FGF13: variants seen among roughly 807,000 people sequenced by gnomAD.
FGF13 encodes the protein fibroblast growth factor 13.
In FGF13, 2 loss-of-function variants were observed where a neutral mutation model predicts 19.5. The observed-to-expected ratio is 0.10, with a 90% CI of 0.04 to 0.32. The LOEUF is 0.32. FGF13 is among the 10% of genes least tolerant of loss of function. FGF13 has a pLI of 1.00. For synonymous variants in FGF13, 72 were observed against 76.9 expected (o/e 0.94, Z 0.33); for missense variants, 113 against 192.7 (o/e 0.59, Z 2.45).
At chrX:138,809,531 G>A (rs1466380558) in intron 3 of FGF13, among the ~76,000 whole-genome samples, 3 of 111,570 alleles carry the variant, frequency 2.7e-5, no homozygotes. Context: ...TTTGAAAACT[G>A]GCACAAGGCA....
intron 1 of FGF13, among the ~76,000 whole-genome samples, chrX:139,037,181 G>T (rs114277209): frequency 4.5e-5 from 5 of 111,020 alleles, no homozygotes; most frequent in Admixed American, 9.6e-5. Flanking sequence ...GAGGGAAAAG[G>T]ACACTGCATT....
chrX:138,844,145 A>C (rs2091166914), intron 3 of FGF13, among the ~76,000 whole-genome samples: 1 of 112,403 alleles, frequency 8.9e-6, no homozygotes, highest in Non-Finnish European at 1.9e-5. Flanking sequence ...TTGGAAACAC[A>C]TGTAATGTCA....
chrX:139,115,284 C>T (rs1199139564), intron 1 of FGF13, among the ~76,000 whole-genome samples: 3 of 112,265 alleles, frequency 2.7e-5, no homozygotes, highest in African/African-American at 9.7e-5. Context: ...TTCTTTCTTA[C>T]TAACAAAGCT....
At chrX:139,007,898 G>A (rs1192629073) in intron 1 of FGF13, among the ~76,000 whole-genome samples, 1 of 112,456 alleles carries the variant, frequency 8.9e-6, no homozygotes, top group African/African-American at 3.2e-5. Flanking sequence ...TGTGATCTGG[G>A]GTAAGTTCTC....
intron 1 of FGF13, among the ~76,000 whole-genome samples, chrX:139,162,857 A>G (rs2084047186): frequency 8.9e-6 from 1 of 112,469 alleles, no homozygotes; most frequent in South Asian, 3.7e-4. Flanking sequence ...ATCTCATGCC[A>G]GTTAGAATGG....
chrX:138,720,989 C>T (rs756515079), intron 1 of FGF13, among the ~76,000 whole-genome samples: 2 of 112,026 alleles, frequency 1.8e-5, no homozygotes, highest in South Asian at 7.5e-4. Flanking sequence ...AAGAGATCGT[C>T]TTCTTTTTCC....
chrX:138,673,904 T>C (rs1263669113), intron 3 of FGF13, among the ~76,000 whole-genome samples: 1 of 110,513 alleles, frequency 9.0e-6, no homozygotes, highest in Non-Finnish European at 1.9e-5. Flanking sequence ...TAGAAGTGGG[T>C]GAGTAGATAT....
In FGF13 at chrX:139,131,440, C is replaced by G. The variant is rs1478911092; in HGVS notation, c.-113+71976G>C. Among the ~76,000 whole-genome samples the G allele has an allele frequency of 3.8e-5, 4 of 106,293 alleles. No individual in the cohort carries two copies. The Admixed American group carries it at 4.1e-4, about 11-fold the overall frequency. The allele number at this position is 106,293 out of a possible 115,157, so 92.3% of individuals were successfully genotyped here. On this transcript the variant is annotated intron_variant, in intron 1 of 2. Transcript: ENST00000421460. ...GTGTGTGTGCAAAGGATTAAATTTA[C>G]AGTAGGCAGTCAAAAATGATGAACA...
intron 1 of FGF13, among the ~76,000 whole-genome samples, chrX:138,725,981 GA>G (rs781053987): frequency 9.1e-6 from 1 of 109,738 alleles, no homozygotes; most frequent in African/African-American, 3.3e-5. Context: ...TGGAATGTCG[GA>G]AAAAAAACAT....
intron 3 of FGF13, among the ~76,000 whole-genome samples, chrX:138,778,650 T>C (rs1227892139): frequency 8.9e-6 from 1 of 112,081 alleles, no homozygotes; most frequent in African/African-American, 3.2e-5. Context: ...ATCCCGCACC[T>C]GGCTCGGAGG....
intron 1 of FGF13, among the ~76,000 whole-genome samples, chrX:139,079,634 G>A (rs951319534): frequency 9.0e-6 from 1 of 110,881 alleles, no homozygotes; most frequent in Non-Finnish European, 1.9e-5. Context: ...CAATCACTTA[G>A]CAAAGAGACT....
At chrX:138,712,672 G>A (rs2090065883), upstream of FGF13, among the ~76,000 whole-genome samples, 1 of 111,537 alleles carries the variant, frequency 9.0e-6, no homozygotes, top group African/African-American at 3.3e-5. Context: ...CCTTCAAACA[G>A]ACACAATTAT....
At chrX:138,769,692 G>C (rs2090531166) in intron 3 of FGF13, among the ~76,000 whole-genome samples, 1 of 111,952 alleles carries the variant, frequency 8.9e-6, no homozygotes, top group African/African-American at 3.3e-5. Context: ...ATTAGCTATA[G>C]AACAATCTGA....
chrX:139,028,376 T>G (rs2092208935), intron 1 of FGF13, among the ~76,000 whole-genome samples: 1 of 111,056 alleles, frequency 9.0e-6, no homozygotes, highest in Admixed American at 9.6e-5. Flanking sequence ...ACAAATAGAG[T>G]AATCCTTGAT....
At chrX:139,165,107 G>A (rs936480986) in intron 1 of FGF13, among the ~76,000 whole-genome samples, 8 of 111,984 alleles carry the variant, frequency 7.1e-5, no homozygotes, top group Non-Finnish European at 9.4e-5. Flanking sequence ...CTCTCAGATG[G>A]AAATGAGAAA....
chrX:138,711,407 G>A lies in FGF13; in HGVS notation c.-404C>T. 4.9e-6 allele frequency: 3 copies of A among 614,128 alleles called. No homozygotes were observed. The highest frequency in any genetic ancestry group is 9.2e-4 in the Middle Eastern group (1 of 1,084). 50.6% of individuals were successfully genotyped at this position (614,128 alleles called of 1,213,427 possible). A position where few individuals can be genotyped will look rare whatever the true frequency, so the allele number is the denominator to read the frequency against. On this transcript the variant is annotated 5_prime_UTR_variant, in exon 1 of 5. Coordinates refer to ENST00000315930, the MANE Select transcript of FGF13 (RefSeq NM_004114.5). ...CCCTCGCCCTGTTGCCCTTCTGATG[G>A]GGGCCAGAGGAGGGAGGCGGGCGGA...
chrX:138,829,658 A>G (rs1163552549), intron 3 of FGF13, among the ~76,000 whole-genome samples: 1 of 111,956 alleles, frequency 8.9e-6, no homozygotes, highest in Non-Finnish European at 1.9e-5. Context: ...AGGTCCTCAC[A>G]AGATGCAGCC....
chrX:138,727,976 T>G (rs1242075339), intron 1 of FGF13, among the ~76,000 whole-genome samples: 3 of 111,735 alleles, frequency 2.7e-5, no homozygotes, highest in African/African-American at 9.7e-5. Flanking sequence ...GTGACTTTTA[T>G]TCATCCAATA....
chrX:139,052,361 C>A (rs2092305318), intron 1 of FGF13, among the ~76,000 whole-genome samples: 1 of 112,218 alleles, frequency 8.9e-6, no homozygotes, highest in South Asian at 3.7e-4. Flanking sequence ...CTCTAAAGAA[C>A]TGAGCATCCT....
Sources: gnomAD v4.1 joint callset for allele counts (sites outside exome capture counted in the v4.1 genomes callset) on GRCh38, gnomAD v4.1.1 for gene constraint, MANE v1.5 for transcripts, NCBI Gene and HGNC (gene_info 2026-07-23, HGNC 2026-07-21) for gene names.